The following SV2C variants were observed in gnomAD, a reference collection of about 807,000 sequenced individuals.
SV2C encodes solute carrier family 22 member B3.
SV2C carries 49 observed loss-of-function variants against 79.7 expected under a neutral mutation model. The ratio of observed to expected loss-of-function variants is 0.61; its 90% confidence interval spans 0.49 to 0.78. SV2C has a LOEUF of 0.78. SV2C is among the 30% of genes least tolerant of loss of function. SV2C has a pLI of 0.00. For missense variants in SV2C, 833 were observed against 912.9 expected, an observed-to-expected ratio of 0.91 and a Z score of 1.13; for synonymous variants, 334 against 333.2, an observed-to-expected ratio of 1.00 and a Z score of -0.03.
chr5:76,293,902 C>T (rs967071630), intron 8 of SV2C, among the ~76,000 whole-genome samples: 1 of 152,280 alleles, frequency 6.6e-6, no homozygotes, highest in South Asian at 2.1e-4. Context: ...AGCTAGTAAG[C>T]GACAAGACCA....
At chr5:76,142,110 C>T (rs1212608020) in intron 2 of SV2C, among the ~76,000 whole-genome samples, 5 of 152,116 alleles carry the variant, frequency 3.3e-5, no homozygotes, top group African/African-American at 1.2e-4. Flanking sequence ...ACGAATTAGT[C>T]TGATAAATTA....
the SV2C span, among the ~76,000 whole-genome samples, chr5:76,052,755 T>C: frequency 2.0e-5 from 3 of 152,340 alleles, no homozygotes; most frequent in East Asian, 5.8e-4. Context: ...ATCTCCCTTT[T>C]GAAATCTACT....
At chr5:76,171,608 T>TA (rs1743257006) in intron 2 of SV2C, among the ~76,000 whole-genome samples, 1 of 104,880 alleles carries the variant, frequency 9.5e-6, no homozygotes, top group African/African-American at 3.3e-5. Context: ...AGGAGAGAGG[T>TA]GGGGGGGGGG....
the SV2C span, among the ~76,000 whole-genome samples, chr5:75,853,607 C>CAAAAAAAAAAAAAAAAAAAAAAAAAAAA: frequency 3.5e-5 from 1 of 28,462 alleles, no homozygotes; most frequent in Non-Finnish European, 5.5e-5. Flanking sequence ...GACTCCGTCT[C>CAAAAAAAAAAAAAAAAAAAAAAAAAAAA]AAAAAAAAAA....
At chr5:75,894,623 G>C in the SV2C span, among the ~76,000 whole-genome samples, 1 of 152,194 alleles carries the variant, frequency 6.6e-6, no homozygotes, top group East Asian at 1.9e-4. Flanking sequence ...GTCAGAGCTT[G>C]CCTGCTTTCT....
chr5:75,887,583 T>C, the SV2C span, among the ~76,000 whole-genome samples: 2 of 152,142 alleles, frequency 1.3e-5, no homozygotes, highest in African/African-American at 4.8e-5. Context: ...GGAATGCAGG[T>C]ACCTTAATAA....
chr5:76,271,788 A>T (rs914565604), intron 4 of SV2C, among the ~76,000 whole-genome samples: 6 of 152,074 alleles, frequency 3.9e-5, no homozygotes, highest in African/African-American at 9.7e-5. Flanking sequence ...ATCACAGTGA[A>T]ATTAAGCCAA....
At chr5:76,349,669 AT>A (rs34691117) in intron 12 of SV2C, among the ~76,000 whole-genome samples, 2,517 of 137,352 alleles carry the variant, frequency 0.018, 31 homozygotes, top group African/African-American at 0.047. Flanking sequence ...TTTAGCCTTC[AT>A]TTTTTTTTTT....
chr5:76,119,882 T>C (rs1042244212), intron 1 of SV2C, among the ~76,000 whole-genome samples: 1 of 152,212 alleles, frequency 6.6e-6, no homozygotes, highest in Non-Finnish European at 1.5e-5. Context: ...AAAGAGATTT[T>C]ATTTTATGGG....
At chr5:75,866,223 TC>T in the SV2C span, among the ~76,000 whole-genome samples, 1 of 151,094 alleles carries the variant, frequency 6.6e-6, no homozygotes, top group Non-Finnish European at 1.5e-5. Context: ...CATTTTTTTT[TC>T]ATTTTAAAAG....
chr5:76,207,234 G>A (rs1275548759), intron 3 of SV2C, among the ~76,000 whole-genome samples: 1 of 152,050 alleles, frequency 6.6e-6, no homozygotes, highest in Non-Finnish European at 1.5e-5. Flanking sequence ...AGAGGGTCTG[G>A]CATATCCTGA....
chr5:75,867,863 A>G, the SV2C span, among the ~76,000 whole-genome samples: 34 of 152,328 alleles, frequency 2.2e-4, no homozygotes, highest in Admixed American at 1.0e-3. Flanking sequence ...TCATTTATTC[A>G]GAAAATTTTA....
intron 1 of SV2C, among the ~76,000 whole-genome samples, chr5:76,116,310 T>C (rs1265258488): frequency 6.6e-6 from 1 of 152,226 alleles, no homozygotes; most frequent in African/African-American, 2.4e-5. Flanking sequence ...GCAAGCTTCC[T>C]ACAATCAGGG....
Position 76,178,526 on chromosome 5 carries a change from T to C in SV2C, c.581-16393T>C, listed in dbSNP as rs143666582. ...ATTGACAGAGGGAAGCCCACCTTTA[T>C]TTTACTAAGGAAGAACATTTAAAAA... On this transcript the variant is annotated intron_variant, in intron 2 of 12. Transcript: ENST00000502798. Among the ~76,000 whole-genome samples, 241 of 152,326 alleles carry C rather than the reference T, an allele frequency of 1.6e-3. 1 individual carries two copies. The highest frequency in any genetic ancestry group is 5.8e-3 in the African/African-American group (239 of 41,560).
At chr5:75,998,689 T>C in the SV2C span, among the ~76,000 whole-genome samples, 17 of 152,112 alleles carry the variant, frequency 1.1e-4, no homozygotes, top group Middle Eastern at 3.4e-3. Context: ...TGTGTGTGTG[T>C]GTATTATACC....
chr5:76,224,249 T>C (rs958901186), intron 4 of SV2C, among the ~76,000 whole-genome samples: 7 of 152,206 alleles, frequency 4.6e-5, no homozygotes, highest in Admixed American at 3.9e-4. Flanking sequence ...GAAACACGGA[T>C]ATCTTTTCTC....
At chr5:75,977,265 A>T in the SV2C span, among the ~76,000 whole-genome samples, 570 of 152,242 alleles carry the variant, frequency 3.7e-3, 2 homozygotes, top group African/African-American at 0.011. Context: ...GTTCTCAAAA[A>T]AACAGGAGAT....
chr5:76,146,798 A>T (rs58206948), intron 2 of SV2C, among the ~76,000 whole-genome samples: 11,913 of 67,730 alleles, frequency 0.18, 675 homozygotes, highest in Non-Finnish European at 0.23. Flanking sequence ...GTTTTTTTTT[A>T]AAAAAAAAAA....
the SV2C span, among the ~76,000 whole-genome samples, chr5:75,998,733 A>T: frequency 6.6e-6 from 1 of 151,926 alleles, no homozygotes; most frequent in Non-Finnish European, 1.5e-5. Flanking sequence ...CAGCTTGCAG[A>T]TGGAAGATCA....
Sources: gnomAD v4.1 joint callset for allele counts (sites outside exome capture counted in the v4.1 genomes callset) on GRCh38, gnomAD v4.1.1 for gene constraint, MANE v1.5 for transcripts, NCBI Gene and HGNC (gene_info 2026-07-23, HGNC 2026-07-21) for gene names.